PLD5: variants seen among roughly 807,000 people sequenced by gnomAD.
The protein encoded by PLD5 is inactive phospholipase D5.
A neutral mutation model predicts 61.1 loss-of-function variants in PLD5; 36 were observed. The ratio of observed to expected loss-of-function variants is 0.59; its 90% CI spans 0.45 to 0.78. The LOEUF is 0.78. PLD5 is among the 30% of genes least tolerant of loss of function. PLD5 has a pLI of 0.00. For missense variants in PLD5, 515 were observed against 644.4 expected (o/e 0.80, Z 2.17); for synonymous variants, 243 against 242.8 (o/e 1.00, Z -0.01).
chr1:242,239,278 T>A (rs996715282), intron 4 of PLD5, among the ~76,000 whole-genome samples: 2 of 147,662 alleles, frequency 1.4e-5, no homozygotes, highest in African/African-American at 4.9e-5. Context: ...TCTCTGCATG[T>A]GCTCAGGAAG....
chr1:242,451,583 C>T (rs1353732916), intron 1 of PLD5, among the ~76,000 whole-genome samples: 1 of 151,456 alleles, frequency 6.6e-6, no homozygotes, highest in African/African-American at 2.4e-5. Context: ...TCTCAGCCTC[C>T]CAAGCAGCTG....
intron 1 of PLD5, among the ~76,000 whole-genome samples, chr1:242,520,704 C>T (rs1226283050): frequency 6.6e-6 from 1 of 152,074 alleles, no homozygotes; most frequent in Non-Finnish European, 1.5e-5. Flanking sequence ...GAAAAATGTT[C>T]AAAAAAGCAT....
Position 242,088,932 on chromosome 1 carries a change from G to T in PLD5, c.*922C>A. 1 of 133,230 alleles carries T rather than the reference G, an allele frequency of 7.5e-6. No homozygotes were observed. The highest frequency in any genetic ancestry group is 1.5e-5 in the Non-Finnish European group (1 of 67,144). The allele number at this position is 133,230 out of a possible 1,614,324, so 8.3% of individuals were successfully genotyped here. A position where few individuals can be genotyped will look rare whatever the true frequency, so the allele number is the denominator to read the frequency against. ...AAATTAAAATCCACTGACGCATAGA[G>T]ATTTTTTCCTTTATAATACCATAAA... On this transcript the variant is annotated 3_prime_UTR_variant, in exon 10 of 10. Coordinates refer to ENST00000536534, the MANE Select transcript of PLD5 (RefSeq NM_001372062.1).
At position 242,113,084 on chromosome 1, in the gene PLD5, C is replaced by CTTTTTTT. The variant is rs71570931; in HGVS notation, c.1070+799_1070+805dup. On this transcript the variant is annotated intron_variant, in intron 7 of 9. Coordinates refer to ENST00000536534, the MANE Select transcript of PLD5 (RefSeq NM_001372062.1). ...ATTTGAAGTTTCTTTCTCTCTCTCTCTTTTTTTTTTTTTTTTTTTTTTTGA... is the reference window on the plus strand; with the variant it reads ...ATTTGAAGTTTCTTTCTCTCTCTCTCTTTTTTTTTTTTTTTTTTTTTTTTTTTTTTGA... Among the ~76,000 whole-genome samples the CTTTTTTT allele has an allele frequency of 2.1e-3, 233 of 110,606 alleles. 2 individuals are homozygous for CTTTTTTT. The highest frequency in any genetic ancestry group is 2.5e-3 in the African/African-American group (71 of 28,696). The allele number at this position is 110,606 out of a possible 152,430, so 72.6% of individuals were successfully genotyped here.
chr1:242,453,018 T>A (rs186878372), intron 1 of PLD5, among the ~76,000 whole-genome samples: 88 of 152,282 alleles, frequency 5.8e-4, no homozygotes, highest in South Asian at 3.7e-3. Flanking sequence ...GAAAAAGAAA[T>A]CCCTTTACAA....
At chr1:242,179,451 A>T (rs1236332376) in intron 5 of PLD5, among the ~76,000 whole-genome samples, 2 of 151,992 alleles carry the variant, frequency 1.3e-5, no homozygotes, top group African/African-American at 4.8e-5. Flanking sequence ...ATTTCTTCCC[A>T]CCCCTATTCT....
At chr1:242,376,073 T>A (rs1661935088) in intron 1 of PLD5, among the ~76,000 whole-genome samples, 1 of 152,256 alleles carries the variant, frequency 6.6e-6, no homozygotes, top group African/African-American at 2.4e-5. Flanking sequence ...TATAAATCTA[T>A]TGGTCTAACT....
intron 2 of PLD5, among the ~76,000 whole-genome samples, chr1:242,324,330 C>T (rs1007721556): frequency 3.3e-5 from 5 of 152,174 alleles, no homozygotes; most frequent in African/African-American, 1.2e-4. Context: ...CATTAAAAAA[C>T]GAATTTGCAC....
chr1:242,396,501 A>G (rs1051989948), intron 1 of PLD5, among the ~76,000 whole-genome samples: 3 of 151,710 alleles, frequency 2.0e-5, no homozygotes, highest in Non-Finnish European at 4.4e-5. Flanking sequence ...AGTTCCCACT[A>G]CTCCATGGAA....
At chr1:242,448,509 G>T (rs145606553) in intron 1 of PLD5, among the ~76,000 whole-genome samples, 87 of 152,186 alleles carry the variant, frequency 5.7e-4, no homozygotes, top group Middle Eastern at 3.4e-3. Context: ...AATGTCCTTT[G>T]TCCATTAATC....
intron 1 of PLD5, among the ~76,000 whole-genome samples, chr1:242,355,415 A>G (rs1660701470): frequency 6.6e-6 from 1 of 152,132 alleles, no homozygotes; most frequent in Non-Finnish European, 1.5e-5. Flanking sequence ...AATAGTTCAT[A>G]ATAGTTTCTT....
intron 2 of PLD5, chr1:242,345,536 C>G (rs779604465): frequency 1.1e-6 from 1 of 942,608 alleles, no homozygotes; most frequent in Non-Finnish European, 1.7e-6. Context: ...GTCTGTTAGC[C>G]AGGCACAAAA....
At chr1:242,442,711 G>A (rs1572161886) in intron 1 of PLD5, among the ~76,000 whole-genome samples, 2 of 152,050 alleles carry the variant, frequency 1.3e-5, no homozygotes, top group Admixed American at 6.6e-5. Flanking sequence ...TAAGTAAATC[G>A]ACACTCCATA....
chr1:242,212,642 A>C (rs1669904198), intron 5 of PLD5, among the ~76,000 whole-genome samples: 2 of 152,200 alleles, frequency 1.3e-5, no homozygotes, highest in Admixed American at 1.3e-4. Context: ...GTACAGAAAG[A>C]AGCAGCACAG....
At chr1:242,396,505 C>T (rs970353114) in intron 1 of PLD5, among the ~76,000 whole-genome samples, 3 of 152,040 alleles carry the variant, frequency 2.0e-5, no homozygotes, top group Non-Finnish European at 4.4e-5. Context: ...CCCACTACTC[C>T]ATGGAAGGAG....
intron 1 of PLD5, among the ~76,000 whole-genome samples, chr1:242,487,458 G>T (rs1003300353): frequency 6.6e-6 from 1 of 152,106 alleles, no homozygotes; most frequent in Non-Finnish European, 1.5e-5. Context: ...TAATACAGGA[G>T]CAAATCTAGG....
intron 1 of PLD5, among the ~76,000 whole-genome samples, chr1:242,437,962 G>A (rs7531209): frequency 0.048 from 7,249 of 152,288 alleles, 490 homozygotes; most frequent in African/African-American, 0.15. Context: ...CTATCGTAGA[G>A]AAGTATTACC....
chr1:242,373,199 A>T (rs999247922), intron 1 of PLD5, among the ~76,000 whole-genome samples: 13 of 152,248 alleles, frequency 8.5e-5, no homozygotes, highest in Non-Finnish European at 1.9e-4. Context: ...ACGTGAAAAA[A>T]TGCTCATCAT....
chr1:242,395,884 C>A (rs1663543300), intron 1 of PLD5, among the ~76,000 whole-genome samples: 2 of 152,032 alleles, frequency 1.3e-5, no homozygotes, highest in African/African-American at 4.8e-5. Context: ...CCCGTCTCTA[C>A]TAAAAATACA....
Sources: gnomAD v4.1 joint callset for allele counts (sites outside exome capture counted in the v4.1 genomes callset) on GRCh38, gnomAD v4.1.1 for gene constraint, MANE v1.5 for transcripts, NCBI Gene and HGNC (gene_info 2026-07-23, HGNC 2026-07-21) for gene names.